Variants in BCR observed in about 807,000 individuals in gnomAD.
BCR encodes the protein BCR activator of RhoGEF and GTPase, also known as breakpoint cluster region protein.
BCR carries 58 observed loss-of-function variants against 138.6 expected under a neutral mutation model. The observed-to-expected ratio is 0.42, with a 90% CI of 0.34 to 0.52. BCR has a LOEUF of 0.52. BCR is among the 20% of genes least tolerant of loss of function. The pLI is 0.06. For synonymous variants in BCR, 786 were observed against 730.1 expected (o/e 1.08, Z -1.23); for missense variants, 1,599 against 1,727.2 (o/e 0.93, Z 1.32).
In BCR at chr22:23,289,636, T is replaced by TGACCA. The variant is rs763926813; in HGVS notation, c.2707+15_2707+16insGACCA. The TGACCA allele has an allele frequency of 6.8e-6, 11 of 1,607,118 alleles. No homozygotes were observed. The highest frequency in any genetic ancestry group is 8.5e-6 in the Non-Finnish European group (10 of 1,174,090). On this transcript the variant is annotated intron_variant, in intron 13 of 22. Coordinates refer to ENST00000305877, the MANE Select transcript of BCR (RefSeq NM_004327.4). Reference sequence around the variant, plus strand: ...CAATAAGGAAGGTGGGCCCCCCCGTTTCCGTGTACAGGGCACCTGCAGGGA... The same window carrying TGACCA: ...CAATAAGGAAGGTGGGCCCCCCCGTTGACCATCCGTGTACAGGGCACCTGCAGGGA...
intron 1 of BCR, among the ~76,000 whole-genome samples, chr22:23,212,371 T>A (rs2072695669): frequency 6.6e-6 from 1 of 152,216 alleles, no homozygotes; most frequent in African/African-American, 2.4e-5. Flanking sequence ...CTGAAACTGC[T>A]GACAGGTGCC....
In BCR at chr22:23,287,261, C is replaced by T. The variant is rs1382538276; in HGVS notation, c.2509C>T (p.His837Tyr). 1 of 1,552,248 alleles carries T rather than the reference C, an allele frequency of 6.4e-7. No individual in the cohort carries two copies. The highest frequency in any genetic ancestry group is 2.4e-5 in the East Asian group (1 of 41,316). Reference protein sequence around the residue: ...LMSPSMAFRVHSRNGKSYTFL... With the variant: ...LMSPSMAFRVYSRNGKSYTFL... ...GTCTCCCAGCATGGCCTTCAGGGTG[C>T]ACAGCCGCAACGGCAAGGTGAGCGC... The change falls in exon 11 of 23, where the codon CAC (histidine) becomes TAC (tyrosine). Residue 837 changes from histidine to tyrosine, a missense_variant. By Grantham distance (83) the His-to-Tyr change is moderately conservative. Coordinates refer to ENST00000305877, the MANE Select transcript of BCR (RefSeq NM_004327.4).
rs555688551 is a variant in BCR at position 23,201,592 on chromosome 22, G to T, written c.1279+19353G>T. On this transcript the variant is annotated intron_variant, in intron 1 of 22. Transcript: ENST00000305877. ...CCTGCCTCCGCCTCCTGAGTAGCTGGGACTACAGGCACCCACCACCATGCC... is the reference window on the plus strand; with the variant it reads ...CCTGCCTCCGCCTCCTGAGTAGCTGTGACTACAGGCACCCACCACCATGCC... Among the ~76,000 whole-genome samples the T allele has an allele frequency of 1.1e-4, 17 of 152,218 alleles. 1 individual carries two copies. The East Asian group carries it at 2.1e-3, about 19-fold the overall frequency.
Position 23,181,443 on chromosome 22 carries a change from C to A in BCR, c.483C>A (p.Ile161=), listed in dbSNP as rs5751602. The A allele has an allele frequency of 0.27, 424,894 of 1,594,088 alleles. 57,940 individuals carry two copies. Among genetic ancestry groups the A allele is most frequent in the East Asian group, 0.37 (16,374 of 44,348 alleles). ...VAALRSNFER[I]RKGHGQPGAD... ...CGCTCAGGTCCAACTTCGAGCGGAT[C>A]CGCAAGGGCCATGGCCAGCCCGGGG... The change falls in exon 1 of 23, where the codon ATC becomes ATA. Residue 161 remains isoleucine (I), a synonymous_variant. Transcript: ENST00000305877.
In BCR at chr22:23,261,553, G is replaced by A; in HGVS notation, c.1752+13G>A. ...CTTCCAGAAGCTGGTGAGTAACCCA[G>A]GGCCGGTGCTGGGACTACAGGCGTG... On this transcript the variant is annotated intron_variant, in intron 4 of 22. Transcript: ENST00000305877. The A allele has an allele frequency of 9.9e-6, 16 of 1,609,942 alleles. No individual in the cohort carries two copies. Among genetic ancestry groups the A allele is most frequent in the African/African-American group, 1.3e-5 (1 of 74,996 alleles).
intron 1 of BCR, among the ~76,000 whole-genome samples, chr22:23,197,160 GT>G (rs2072494612): frequency 6.6e-6 from 1 of 152,188 alleles, no homozygotes; most frequent in Non-Finnish European, 1.5e-5. Flanking sequence ...CATTTGGTAT[GT>G]TTAGAAACAG....
intron 1 of BCR, among the ~76,000 whole-genome samples, chr22:23,224,140 C>G (rs895447092): frequency 6.6e-6 from 1 of 152,222 alleles, no homozygotes; most frequent in Non-Finnish European, 1.5e-5. Context: ...CGACTGTGGC[C>G]GCCACACAGT....
At chr22:23,248,842 A>T (rs574725427) in intron 1 of BCR, among the ~76,000 whole-genome samples, 6 of 152,284 alleles carry the variant, frequency 3.9e-5, no homozygotes, top group African/African-American at 1.2e-4. Context: ...GAGACCATCA[A>T]CCTCAGTCCT....
At chr22:23,266,707 AC>A (rs2073446578) in intron 4 of BCR, among the ~76,000 whole-genome samples, 2 of 152,212 alleles carry the variant, frequency 1.3e-5, no homozygotes, top group Non-Finnish European at 2.9e-5. Flanking sequence ...TTTGAAGGGC[AC>A]AGGCCCACTC....
At chr22:23,268,358 TG>T (rs2146284273) in intron 4 of BCR, 49 bp from the exon 5 acceptor site, 1 of 1,448,670 alleles carries the variant, frequency 6.9e-7, no homozygotes, top group Non-Finnish European at 9.5e-7. Context: ...TTCAGAAAGA[TG>T]GGGGAGCAGC....
At chr22:23,211,817 C>T (rs7291888) in intron 1 of BCR, among the ~76,000 whole-genome samples, 10,219 of 152,150 alleles carry the variant, frequency 0.067, 1,146 homozygotes, top group African/African-American at 0.23. Flanking sequence ...TCCTATCTTC[C>T]AGGCCACATC....
At chr22:23,193,076 T>C (rs2072435122) in intron 1 of BCR, among the ~76,000 whole-genome samples, 1 of 152,206 alleles carries the variant, frequency 6.6e-6, no homozygotes, top group Non-Finnish European at 1.5e-5. Context: ...AGTGCCACTG[T>C]TGGCTCAAGA....
intron 1 of BCR, among the ~76,000 whole-genome samples, chr22:23,215,376 A>C (rs754089677): frequency 6.6e-6 from 1 of 152,156 alleles, no homozygotes; most frequent in African/African-American, 2.4e-5. Flanking sequence ...CTGCTCATTA[A>C]TGGGAGAGGG....
intron 1 of BCR, among the ~76,000 whole-genome samples, chr22:23,253,574 T>G (rs2073256632): frequency 6.6e-6 from 1 of 152,156 alleles, no homozygotes; most frequent in South Asian, 2.1e-4. Context: ...GGCAGACGTA[T>G]CTCAGAAAGC....
At chr22:23,290,734 G>C (rs7364231) in intron 14 of BCR, 7 of 359,738 alleles carry the variant, frequency 1.9e-5, no homozygotes, top group African/African-American at 6.2e-5. Context: ...CCGGGAGTGT[G>C]GGGTCCAAGC....
At position 23,253,951 on chromosome 22, in the gene BCR, G is replaced by T. The variant is rs767622070; in HGVS notation, c.1432G>T (p.Val478Phe). Reference sequence around the variant, plus strand: ...GGGCAGGGGCAGCCGGGATGCGCTGGTCTCGGGAGCCCTGGAGTCCACTAA... The same window carrying T: ...GGGCAGGGGCAGCCGGGATGCGCTGTTCTCGGGAGCCCTGGAGTCCACTAA... Reference protein sequence around the residue: ...SKGRGSRDALVSGALESTKAS... With the variant: ...SKGRGSRDALFSGALESTKAS... Residue 478 changes from valine to phenylalanine, a missense_variant, in exon 2 of 23, where the codon GTC becomes TTC. Coordinates refer to ENST00000305877, the MANE Select transcript of BCR (RefSeq NM_004327.4). 3.7e-6 allele frequency: 6 copies of T among 1,613,004 alleles called. No homozygotes were observed. The Admixed American group carries it at 1.0e-4, about 27-fold the overall frequency.
intron 1 of BCR, among the ~76,000 whole-genome samples, chr22:23,229,651 T>G (rs1016196664): frequency 1.3e-5 from 2 of 152,250 alleles, no homozygotes; most frequent in African/African-American, 4.8e-5. Context: ...CTAAGTGTTT[T>G]CACACATGTG....
Position 23,258,906 on chromosome 22 carries a change from G to C in BCR, c.1462-2044G>C, listed in dbSNP as rs527337878. ...CCCAGCAACCAGTGGAGAAGTGGAC[G>C]GGGCTGTCACAGACACCGGACCTGG... On this transcript the variant is annotated intron_variant, in intron 2 of 22. Transcript: ENST00000305877. Among the ~76,000 whole-genome samples the C allele has an allele frequency of 2.0e-5, 3 of 152,360 alleles. No individual in the cohort carries two copies. The East Asian group carries it at 5.8e-4, about 29-fold the overall frequency.
chr22:23,307,414 TG>T (rs2073962269), intron 16 of BCR, among the ~76,000 whole-genome samples: 1 of 129,042 alleles, frequency 7.7e-6, no homozygotes, highest in Non-Finnish European at 1.6e-5. Context: ...CTCCCAGCAG[TG>T]GTATAAACTC....
Sources: gnomAD v4.1 joint callset for allele counts (sites outside exome capture counted in the v4.1 genomes callset) on GRCh38, gnomAD v4.1.1 for gene constraint, MANE v1.5 for transcripts, NCBI Gene and HGNC (gene_info 2026-07-23, HGNC 2026-07-21) for gene names.